The following PYROXD2 variants were observed in gnomAD, a reference collection of about 807,000 sequenced individuals.
PYROXD2 encodes the protein pyridine nucleotide-disulfide oxidoreductase domain-containing protein 2.
Under a neutral mutation model 71.1 loss-of-function variants are expected in PYROXD2, and 69 were observed. The ratio of observed to expected loss-of-function variants is 0.97; its 90% CI spans 0.80 to 1.19. The LOEUF is 1.19. PYROXD2 is among the 50% of genes most tolerant of loss of function. The pLI is 0.00. For synonymous variants in PYROXD2, 287 were observed against 302.7 expected, an observed-to-expected ratio of 0.95 and a Z score of 0.54; for missense variants, 745 against 748.9, an observed-to-expected ratio of 0.99 and a Z score of 0.06.
At chr10:98,407,684 C>CCAGG (rs1218037070) in intron 3 of PYROXD2, 29 bp from the exon 4 acceptor site, 1 of 1,595,694 alleles carries the variant, frequency 6.3e-7, no homozygotes, top group African/African-American at 1.4e-5. Flanking sequence ...AAGACTGTCA[C>CCAGG]CAGGGGTCAC....
chr10:98,386,327 G>GAGGAAGGAAGGA (rs57195135), intron 14 of PYROXD2, among the ~76,000 whole-genome samples: 17 of 134,912 alleles, frequency 1.3e-4, no homozygotes, highest in South Asian at 4.6e-4. Flanking sequence ...GGAAGGGAGG[G>GAGGAAGGAAGGA]AGGAAGGAAG....
chr10:98,384,989 G>T lies in PYROXD2; in HGVS notation c.1633C>A (p.Pro545Thr). 1 of 1,613,926 alleles carries T rather than the reference G, an allele frequency of 6.2e-7. No individual in the cohort carries two copies. Among genetic ancestry groups the T allele is most frequent in the African/African-American group, 1.3e-5 (1 of 75,042 alleles). ...PVPLHSGYRC[P>T]LQGLYLCGSG... ...CCACAGAGATACAGGCCCTGGAGAG[G>T]GCAGCGGTAGCCAGAATGCAGGGGC... Residue 545 changes from proline to threonine, a missense_variant, in exon 15 of 16, where the codon CCT (proline) becomes ACT (threonine). Coordinates refer to ENST00000370575, the MANE Select transcript of PYROXD2 (RefSeq NM_032709.3).
intron 5 of PYROXD2, among the ~76,000 whole-genome samples, chr10:98,397,874 CTTCTTT>C (rs1246425741): frequency 3.9e-5 from 5 of 129,122 alleles, no homozygotes; most frequent in African/African-American, 1.5e-4. Flanking sequence ...TCTGTCCTTT[CTTCTTT>C]TTTTTTTTTT....
chr10:98,413,167 A>G (rs1355673629), intron 1 of PYROXD2, among the ~76,000 whole-genome samples: 1 of 152,164 alleles, frequency 6.6e-6, no homozygotes, highest in Non-Finnish European at 1.5e-5. Flanking sequence ...CCTAAATCAC[A>G]TTGAGCAACC....
intron 13 of PYROXD2, among the ~76,000 whole-genome samples, chr10:98,387,525 C>A (rs1393216124): frequency 2.0e-5 from 3 of 152,176 alleles, no homozygotes; most frequent in Admixed American, 6.5e-5. Flanking sequence ...CCAGTCCAGT[C>A]CCCAGTTTTC....
intron 4 of PYROXD2, among the ~76,000 whole-genome samples, chr10:98,404,248 G>A (rs1843518505): frequency 6.6e-6 from 1 of 152,216 alleles, no homozygotes; most frequent in African/African-American, 2.4e-5. Flanking sequence ...CAAACACTGA[G>A]CTGTAACCAA....
At chr10:98,411,174 C>T in intron 1 of PYROXD2, 1 of 684,030 alleles carries the variant, frequency 1.5e-6, no homozygotes, top group Non-Finnish European at 2.4e-6. Context: ...CTGGTTCTTG[C>T]CTTGGCTGGA....
chr10:98,388,303 G>C, intron 13 of PYROXD2, 51 bp downstream of exon 13: 3 of 1,598,910 alleles, frequency 1.9e-6, no homozygotes, highest in Non-Finnish European at 2.6e-6. Context: ...GGCCCAGTTG[G>C]GTCGCATGCC....
chr10:98,393,038 C>G lies in PYROXD2; in HGVS notation c.831G>C (p.Gln277His). 1 of 1,604,738 alleles carries G rather than the reference C, an allele frequency of 6.2e-7. No individual in the cohort carries two copies. Among genetic ancestry groups the G allele is most frequent in the South Asian group, 1.1e-5 (1 of 90,008 alleles). The change falls in exon 9 of 16, where the codon CAG becomes CAC. Residue 277 changes from glutamine (Q) to histidine (H), a missense_variant. Transcript: ENST00000370575. ...HHVMGGLEGM[Q>H]GAWGYVQGGM... ...CCCCCTGGACGTAGCCCCAGGCCCC[C>G]TGCATTCCCTCCAGGCCCCCCATCA...
chr10:98,414,851 C>G, intron 1 of PYROXD2, 158 bp downstream of exon 1: 1 of 1,154,430 alleles, frequency 8.7e-7, no homozygotes, highest in South Asian at 1.9e-5. Flanking sequence ...GATGGAAGGG[C>G]TTTCCATTGC....
intron 1 of PYROXD2, 151 bp from the exon 2 acceptor site, chr10:98,411,109 A>T: frequency 6.6e-6 from 7 of 1,054,932 alleles, no homozygotes; most frequent in Non-Finnish European, 9.7e-6. Context: ...CAGATGTTGG[A>T]ACAGCATCTA....
At chr10:98,410,621 A>T in intron 2 of PYROXD2, 1 of 408,050 alleles carries the variant, frequency 2.5e-6, no homozygotes, top group Non-Finnish European at 4.4e-6. Flanking sequence ...ACCTGCTCTC[A>T]TGCTGTGTTG....
intron 10 of PYROXD2, among the ~76,000 whole-genome samples, 185 bp downstream of exon 10, chr10:98,392,247 C>A (rs759961636): frequency 6.6e-6 from 1 of 152,150 alleles, no homozygotes; most frequent in African/African-American, 2.4e-5. Context: ...CTCTCTGGCC[C>A]CTTCTCCCCA....
At position 98,395,191 on chromosome 10, in the gene PYROXD2, C is replaced by A. The variant is rs779913163; in HGVS notation, c.785+5G>T. ...CCTGTGTCCCACCTCACCCCCCTCACTCACCCACTCCCCGGAGTGTGGGGA... is the reference window on the plus strand; with the variant it reads ...CCTGTGTCCCACCTCACCCCCCTCAATCACCCACTCCCCGGAGTGTGGGGA... On this transcript the variant is annotated splice_donor_5th_base_variant and intron_variant, in intron 8 of 15. Coordinates refer to ENST00000370575, the MANE Select transcript of PYROXD2 (RefSeq NM_032709.3). 2.5e-6 allele frequency: 4 copies of A among 1,613,134 alleles called. No individual in the cohort carries two copies. The highest frequency in any genetic ancestry group is 3.4e-6 in the Non-Finnish European group (4 of 1,179,142).
chr10:98,397,206 C>T (rs1239407853), intron 6 of PYROXD2, 139 bp downstream of exon 6: 1 of 1,175,810 alleles, frequency 8.5e-7, no homozygotes, highest in East Asian at 2.6e-5. Context: ...CCAGGCTGCC[C>T]CTAATTGATC....
At chr10:98,406,315 C>A (rs1316214367) in intron 4 of PYROXD2, among the ~76,000 whole-genome samples, 1 of 152,220 alleles carries the variant, frequency 6.6e-6, no homozygotes, top group Non-Finnish European at 1.5e-5. Flanking sequence ...TTCTTAGTCT[C>A]TTAAATCAGG....
rs753393826 is a variant in PYROXD2, at chr10:98,384,967, C to G, written c.1655G>C (p.Cys552Ser). 6.2e-7 allele frequency: 1 copy of G among 1,613,200 alleles called. No homozygotes were observed. The highest frequency in any genetic ancestry group is 8.5e-7 in the Non-Finnish European group (1 of 1,179,780). The change falls in exon 15 of 16, where the codon TGT becomes TCT. Residue 552 changes from cysteine to serine, a missense_variant. By Grantham distance (112) the Cys-to-Ser change is moderately radical. Coordinates refer to ENST00000370575, the MANE Select transcript of PYROXD2 (RefSeq NM_032709.3). ...YRCPLQGLYL[C>S]GSGAHPGGGV... ...CTCACCAGGATGAGCCCCACTTCCA[C>G]AGAGATACAGGCCCTGGAGAGGGCA...
In PYROXD2 at chr10:98,392,934, C is replaced by T. The variant is rs770876332; in HGVS notation, c.927+8G>A. On this transcript the variant is annotated splice_region_variant and intron_variant, in intron 9 of 15. Coordinates refer to ENST00000370575, the MANE Select transcript of PYROXD2 (RefSeq NM_032709.3). ...TAATAATTGGGGTGGGGTAGAGGGGCCGTTCACCTTTTCAGTGAAGATGCT... is the reference window on the plus strand; with the variant it reads ...TAATAATTGGGGTGGGGTAGAGGGGTCGTTCACCTTTTCAGTGAAGATGCT... 8 of 1,612,876 alleles carry T rather than the reference C, an allele frequency of 5.0e-6. No homozygotes were observed. In the Admixed American group the frequency reaches 1.0e-4, roughly 20 times the overall value.
chr10:98,410,132 T>A (rs1843737155), intron 2 of PYROXD2, among the ~76,000 whole-genome samples: 2 of 152,140 alleles, frequency 1.3e-5, no homozygotes, highest in South Asian at 4.1e-4. Context: ...TACTGATCCA[T>A]TGAGTTACAA....
Sources: allele counts gnomAD v4.1 joint callset (sites outside exome capture counted in the v4.1 genomes callset), GRCh38; gene constraint gnomAD v4.1.1; transcripts MANE v1.5; gene names NCBI Gene and HGNC (gene_info 2026-07-23, HGNC 2026-07-21).